KCNJ6: variants seen among roughly 807,000 people sequenced by gnomAD.
The protein encoded by KCNJ6 is G protein-activated inward rectifier potassium channel 2.
In KCNJ6, 9 loss-of-function variants were observed where a neutral mutation model predicts 34.2. The ratio of observed to expected loss-of-function variants is 0.26; its 90% CI spans 0.16 to 0.46. KCNJ6 has a LOEUF of 0.46. Among genes scored for constraint, KCNJ6 ranks in the 20% least tolerant of loss-of-function variants. The pLI is 1.00. For missense variants in KCNJ6, 236 were observed against 531.3 expected (o/e 0.44, Z 5.46); for synonymous variants, 196 against 207.1 (o/e 0.95, Z 0.46).
At chr21:37,686,409 G>A (rs78862095) in intron 3 of KCNJ6, among the ~76,000 whole-genome samples, 2,322 of 148,282 alleles carry the variant, frequency 0.016, 41 homozygotes, top group East Asian at 0.056. Flanking sequence ...ATGTGTTGAA[G>A]TTGGTGTTTA....
At chr21:37,867,192 T>C (rs545230280) in intron 1 of KCNJ6, among the ~76,000 whole-genome samples, 1 of 152,360 alleles carries the variant, frequency 6.6e-6, no homozygotes, top group East Asian at 1.9e-4. Context: ...ATTTTCCATA[T>C]GTTAGTTTTA....
At chr21:37,797,792 A>G (rs1477626958) in intron 2 of KCNJ6, among the ~76,000 whole-genome samples, 1 of 152,184 alleles carries the variant, frequency 6.6e-6, no homozygotes, top group East Asian at 1.9e-4. Context: ...CACCTGGTTG[A>G]GGCAGGATAC....
intron 2 of KCNJ6, among the ~76,000 whole-genome samples, chr21:37,744,445 G>C (rs2054957035): frequency 6.6e-6 from 1 of 152,292 alleles, no homozygotes; most frequent in South Asian, 2.1e-4. Flanking sequence ...TCCAGACAGA[G>C]AAAAGCTCAG....
intron 2 of KCNJ6, among the ~76,000 whole-genome samples, chr21:37,829,449 T>G (rs1010100684): frequency 5.3e-5 from 8 of 152,132 alleles, no homozygotes; most frequent in Admixed American, 5.2e-4. Flanking sequence ...TTGGGTTTGG[T>G]TGGGGCTCCT....
chr21:37,649,866 C>A (rs1254566095), intron 3 of KCNJ6, among the ~76,000 whole-genome samples: 1 of 152,114 alleles, frequency 6.6e-6, no homozygotes, highest in Non-Finnish European at 1.5e-5. Flanking sequence ...CATTCTCCTG[C>A]CTCAGCCTCC....
rs1416100396 is a variant in KCNJ6, at chr21:37,840,651, T to C, written c.25+7A>G. On this transcript the variant is annotated splice_region_variant and intron_variant, in intron 2 of 3. Transcript: ENST00000609713. ...AAAAAATAAATAATAAATTTGAAGC[T>C]ACTCACTCATGGATTCTGTCAGCTT... is the stretch of plus-strand genomic sequence containing the variant. 1 of 1,592,552 alleles carries C rather than the reference T, an allele frequency of 6.3e-7. No individual in the cohort carries two copies. The highest frequency in any genetic ancestry group is 1.3e-5 in the African/African-American group (1 of 74,378).
At chr21:37,717,001 A>T (rs2123454116) in intron 2 of KCNJ6, 1 of 154,386 alleles carries the variant, frequency 6.5e-6, no homozygotes, top group East Asian at 1.9e-4. Context: ...CATTTATCTG[A>T]ATAAGAACAT....
chr21:37,683,317 G>A (rs527904812), intron 3 of KCNJ6, among the ~76,000 whole-genome samples: 4 of 152,174 alleles, frequency 2.6e-5, no homozygotes, highest in Non-Finnish European at 5.9e-5. Flanking sequence ...CCAGCAAGAG[G>A]CAGCAGGGAA....
intron 2 of KCNJ6, among the ~76,000 whole-genome samples, chr21:37,823,659 A>G (rs544778603): frequency 7.9e-5 from 12 of 152,312 alleles, no homozygotes; most frequent in African/African-American, 2.9e-4. Context: ...CCCTTTCGCC[A>G]TGATTGTAAG....
rs994622390 is a variant in KCNJ6, at chr21:37,623,627, T to C, written c.*1532A>G. 3 of 152,274 alleles carry C rather than the reference T, an allele frequency of 2.0e-5. No individual in the cohort carries two copies. The highest frequency in any genetic ancestry group is 4.8e-5 in the African/African-American group (2 of 41,422). 9.4% of individuals were successfully genotyped at this position (152,274 alleles called of 1,614,324 possible). On this transcript the variant is annotated 3_prime_UTR_variant, in exon 4 of 4. Coordinates refer to ENST00000609713, the MANE Select transcript of KCNJ6 (RefSeq NM_002240.5). ...CTTCCTTCCTTCCTTCCTTCCTCCCTCCCTTCCTCCCTTCTTTCCTTTTTG... is the reference window on the plus strand; with the variant it reads ...CTTCCTTCCTTCCTTCCTTCCTCCCCCCCTTCCTCCCTTCTTTCCTTTTTG...
chr21:37,835,453 T>C (rs1350236312), intron 2 of KCNJ6, among the ~76,000 whole-genome samples: 1 of 152,216 alleles, frequency 6.6e-6, no homozygotes, highest in Non-Finnish European at 1.5e-5. Flanking sequence ...ATTTGATGCA[T>C]TCCCAGGACC....
At chr21:37,795,848 T>G (rs1601475491) in intron 2 of KCNJ6, among the ~76,000 whole-genome samples, 1 of 152,204 alleles carries the variant, frequency 6.6e-6, no homozygotes, top group East Asian at 1.9e-4. Context: ...AGAATGTTTT[T>G]GAGGTGGTAT....
At chr21:37,688,522 C>T (rs1396748958) in intron 3 of KCNJ6, among the ~76,000 whole-genome samples, 1 of 152,080 alleles carries the variant, frequency 6.6e-6, no homozygotes, top group Non-Finnish European at 1.5e-5. Flanking sequence ...GTCAAGGACA[C>T]AGCTAATGAG....
chr21:37,871,480 A>G (rs921562386), intron 1 of KCNJ6, among the ~76,000 whole-genome samples: 6 of 152,224 alleles, frequency 3.9e-5, no homozygotes, highest in Non-Finnish European at 7.3e-5. Context: ...GGGCTAGAAG[A>G]GGGCCCGATG....
chr21:37,798,155 A>T (rs1451079449), intron 2 of KCNJ6, among the ~76,000 whole-genome samples: 1 of 152,222 alleles, frequency 6.6e-6, no homozygotes, highest in Non-Finnish European at 1.5e-5. Context: ...TTTTACAGAC[A>T]CAAAAACTGA....
intron 1 of KCNJ6, among the ~76,000 whole-genome samples, chr21:37,878,876 G>A (rs925988841): frequency 1.3e-5 from 2 of 152,152 alleles, no homozygotes; most frequent in African/African-American, 2.4e-5. Flanking sequence ...TGAAAATGGC[G>A]ATCCCGTGTG....
intron 1 of KCNJ6, among the ~76,000 whole-genome samples, chr21:37,867,856 G>A (rs2055630709): frequency 6.6e-6 from 1 of 152,230 alleles, no homozygotes; most frequent in Non-Finnish European, 1.5e-5. Context: ...AGATATTAAT[G>A]GTACCTTGCA....
chr21:37,725,109 T>C (rs529198275), intron 2 of KCNJ6, among the ~76,000 whole-genome samples: 1 of 152,022 alleles, frequency 6.6e-6, no homozygotes, highest in Admixed American at 6.6e-5. Context: ...AAGCAATAAA[T>C]ACCCCAACAG....
intron 3 of KCNJ6, among the ~76,000 whole-genome samples, chr21:37,646,371 T>G (rs1039277612): frequency 6.6e-5 from 10 of 152,348 alleles, no homozygotes; most frequent in African/African-American, 2.4e-4. Flanking sequence ...AACAGGATTA[T>G]CTCATCAATT....
Sources: gnomAD v4.1 joint callset for allele counts (sites outside exome capture counted in the v4.1 genomes callset) on GRCh38, gnomAD v4.1.1 for gene constraint, MANE v1.5 for transcripts, NCBI Gene and HGNC (gene_info 2026-07-23, HGNC 2026-07-21) for gene names.